The following LRRC75B variants were observed in gnomAD, a reference collection of about 807,000 sequenced individuals.
LRRC75B encodes the protein leucine-rich repeat-containing protein 75B.
In LRRC75B, 20 loss-of-function variants were observed where a neutral mutation model predicts 16.5. The observed-to-expected ratio is 1.21, with a 90% CI of 0.85 to 1.76. LRRC75B has a LOEUF of 1.76. LRRC75B is among the 40% of genes most tolerant of loss of function. The pLI is 0.00. For synonymous variants in LRRC75B, 199 were observed against 198.1 expected (o/e 1.00, Z -0.04); for missense variants, 406 against 417.0 (o/e 0.97, Z 0.23).
chr22:24,589,274 T>C lies in LRRC75B; in HGVS notation c.306+547A>G, dbSNP rs771932889. On this transcript the variant is annotated intron_variant, in intron 2 of 3. Coordinates refer to ENST00000318753, the MANE Select transcript of LRRC75B (RefSeq NM_207644.3). ...CATGGGGTTCTGGGCAGCTGTGGGGTGGAGGCTGCAGGTGGCAAACTCCAC... is the reference window on the plus strand; with the variant it reads ...CATGGGGTTCTGGGCAGCTGTGGGGCGGAGGCTGCAGGTGGCAAACTCCAC... 8.8e-6 allele frequency: 11 copies of C among 1,250,050 alleles called. No homozygotes were observed. In the South Asian group the frequency reaches 1.4e-4, roughly 15 times the overall value. The allele number at this position is 1,250,050 out of a possible 1,614,324, so 77.4% of individuals were successfully genotyped here.
rs1569036596 is a variant in LRRC75B, at chr22:24,588,681, CA to C, written c.307-353del. On this transcript the variant is annotated intron_variant, in intron 2 of 3. Transcript: ENST00000318753. ...CTCAGCACCCTTCGGGGACTTGCCACAGGGGGAGGAGGCCAGACCAGGCCCC... is the reference window on the plus strand; with the variant it reads ...CTCAGCACCCTTCGGGGACTTGCCACGGGGGAGGAGGCCAGACCAGGCCCC... 2.7e-6 allele frequency: 3 copies of C among 1,106,924 alleles called. No homozygotes were observed. In the African/African-American group the frequency reaches 4.8e-5, roughly 18 times the overall value. 68.6% of individuals were successfully genotyped at this position (1,106,924 alleles called of 1,614,324 possible).
In LRRC75B at chr22:24,589,801, C is replaced by T. The variant is rs1431527997; in HGVS notation, c.306+20G>A. 1 of 1,602,804 alleles carries T rather than the reference C, an allele frequency of 6.2e-7. No individual in the cohort carries two copies. Among genetic ancestry groups the T allele is most frequent in the Non-Finnish European group, 8.5e-7 (1 of 1,175,420 alleles). ...GTCCACCACAGTGCCCAGCCCAGGG[C>T]CCGTGCCTGCCAGCCTCACCTTCTT... On this transcript the variant is annotated intron_variant, in intron 2 of 3. Transcript: ENST00000318753.
chr22:24,591,463 C>T (rs1209444499), intron 1 of LRRC75B, among the ~76,000 whole-genome samples: 1 of 152,176 alleles, frequency 6.6e-6, no homozygotes, highest in African/African-American at 2.4e-5. Context: ...TGGGCCTTCT[C>T]CAATCCATAG....
intron 2 of LRRC75B, 156 bp downstream of exon 2, chr22:24,589,665 G>A (rs2045509824): frequency 1.2e-6 from 1 of 854,262 alleles, no homozygotes; most frequent in Non-Finnish European, 1.7e-6. Flanking sequence ...CTAATATACT[G>A]ATGCTGGCAG....
chr22:24,587,347 C>T (rs971509657), intron 3 of LRRC75B, among the ~76,000 whole-genome samples: 12 of 152,166 alleles, frequency 7.9e-5, no homozygotes, highest in Admixed American at 3.3e-4. Flanking sequence ...GACCCCCGCC[C>T]CCACCAACCC....
Position 24,585,668 on chromosome 22 carries a change from G to A in LRRC75B, c.*218C>T. On this transcript the variant is annotated 3_prime_UTR_variant, in exon 4 of 4. Coordinates refer to ENST00000318753, the MANE Select transcript of LRRC75B (RefSeq NM_207644.3). ...CACTCTTTATTGCGGGGTCCACACT[G>A]TGGGTGCTGGGGCCCCTCCCACTGA... 1.7e-6 allele frequency: 1 copy of A among 592,778 alleles called. No individual in the cohort carries two copies. The highest frequency in any genetic ancestry group is 3.0e-6 in the Non-Finnish European group (1 of 335,612). The allele number at this position is 592,778 out of a possible 1,614,324, so 36.7% of individuals were successfully genotyped here. A position where few individuals can be genotyped will look rare whatever the true frequency, so the allele number is the denominator to read the frequency against.
chr22:24,592,865 G>A lies in LRRC75B; in HGVS notation c.175C>T (p.Gln59Ter). The A allele has an allele frequency of 7.8e-7, 1 of 1,281,740 alleles. No homozygotes were observed. The highest frequency in any genetic ancestry group is 9.9e-7 in the Non-Finnish European group (1 of 1,014,136). The allele number at this position is 1,281,740 out of a possible 1,614,324, so 79.4% of individuals were successfully genotyped here. A position where few individuals can be genotyped will look rare whatever the true frequency, so the allele number is the denominator to read the frequency against. ...RARQLLRLLR[Q>*]DLGLERTLLP... is the part of the protein sequence containing the mutation. ...GGGCGGACGGCTCCTTCTCTCGCCT[G>A]GCGCAGGAGGCGCAGCAGCTGCCGG... The change falls in exon 1 of 4, where the codon CAG (glutamine) becomes TAG (stop). Residue 59 changes from glutamine (Q) to a stop codon, truncating the protein, a stop_gained and splice_region_variant. Coordinates refer to ENST00000318753, the MANE Select transcript of LRRC75B (RefSeq NM_207644.3). LOFTEE classifies it high-confidence loss of function.
Position 24,585,869 on chromosome 22 carries a change from G to A in LRRC75B, c.*17C>T, listed in dbSNP as rs1601582683. ...GAGCATCACAAGTCAGTAGCAATGA[G>A]CCAGGTGGGTGGTGGGTCACCTGGC... On this transcript the variant is annotated 3_prime_UTR_variant, in exon 4 of 4. Transcript: ENST00000318753. 5 of 1,558,626 alleles carry A rather than the reference G, an allele frequency of 3.2e-6. No homozygotes were observed. Among genetic ancestry groups the A allele is most frequent in the Non-Finnish European group, 3.5e-6 (4 of 1,154,190 alleles).
chr22:24,585,664 C>A lies in LRRC75B; in HGVS notation c.*222G>T, dbSNP rs1179732871. 3 of 590,142 alleles carry A rather than the reference C, an allele frequency of 5.1e-6. No individual in the cohort carries two copies. The highest frequency in any genetic ancestry group is 9.0e-6 in the Non-Finnish European group (3 of 333,840). 36.6% of individuals were successfully genotyped at this position (590,142 alleles called of 1,614,324 possible). On this transcript the variant is annotated 3_prime_UTR_variant, in exon 4 of 4. Transcript: ENST00000318753. ...GTGTCACTCTTTATTGCGGGGTCCA[C>A]ACTGTGGGTGCTGGGGCCCCTCCCA...
chr22:24,592,277 G>C (rs1283735397), intron 1 of LRRC75B: 1 of 466,720 alleles, frequency 2.1e-6, no homozygotes, highest in East Asian at 7.0e-5. Flanking sequence ...AGATGCTGGG[G>C]ATGTGTACTC....
chr22:24,586,634 CGAT>C (rs2045402932), intron 3 of LRRC75B, among the ~76,000 whole-genome samples: 1 of 152,240 alleles, frequency 6.6e-6, no homozygotes, highest in Non-Finnish European at 1.5e-5. Context: ...CGGATTCAAG[CGAT>C]TCTCCTGCTT....
intron 3 of LRRC75B, among the ~76,000 whole-genome samples, 187 bp from the exon 4 acceptor site, chr22:24,586,598 C>T (rs2045401649): frequency 6.6e-6 from 1 of 152,268 alleles, no homozygotes; most frequent in Admixed American, 6.5e-5. Context: ...GTGGCACAAT[C>T]TCGGCTTACG....
chr22:24,589,503 CAGGGTCCCCATA>C (rs1601592828), intron 2 of LRRC75B: 1 of 516,790 alleles, frequency 1.9e-6, no homozygotes, highest in Non-Finnish European at 2.8e-6. Flanking sequence ...CTGTGACCCG[CAGGGTCCCCATA>C]TGACTTCTGC....
chr22:24,592,646 A>C, intron 1 of LRRC75B: 1 of 737,882 alleles, frequency 1.4e-6, no homozygotes, highest in Non-Finnish European at 2.0e-6. Flanking sequence ...GACCTCACCC[A>C]GCCCTCACTC....
chr22:24,589,658 A>G (rs2045509267), intron 2 of LRRC75B, 163 bp downstream of exon 2: 2 of 826,132 alleles, frequency 2.4e-6, no homozygotes, highest in Non-Finnish European at 3.6e-6. Context: ...GGCCAGCCTA[A>G]TATACTGATG....
chr22:24,586,533 G>A, intron 3 of LRRC75B, 122 bp from the exon 4 acceptor site: 2 of 1,077,372 alleles, frequency 1.9e-6, no homozygotes, highest in East Asian at 2.4e-5. Flanking sequence ...TTCAAACTGT[G>A]TCTTTCGTAT....
chr22:24,592,301 C>G (rs1021561237), intron 1 of LRRC75B: 55 of 468,970 alleles, frequency 1.2e-4, no homozygotes, highest in Middle Eastern at 7.4e-4. Context: ...GGGCATGAGC[C>G]GCCTGTTGGA....
Position 24,592,859 on chromosome 22 carries a change from T to C in LRRC75B, c.177+4A>G. On this transcript the variant is annotated splice_donor_region_variant and intron_variant, in intron 1 of 3. Coordinates refer to ENST00000318753, the MANE Select transcript of LRRC75B (RefSeq NM_207644.3). ...GCCCAGGGGCGGACGGCTCCTTCTC[T>C]CGCCTGGCGCAGGAGGCGCAGCAGC... is the stretch of plus-strand genomic sequence containing the variant. 1 of 1,275,682 alleles carries C rather than the reference T, an allele frequency of 7.8e-7. No homozygotes were observed. The highest frequency in any genetic ancestry group is 9.9e-7 in the Non-Finnish European group (1 of 1,010,626). 79.0% of individuals were successfully genotyped at this position (1,275,682 alleles called of 1,614,324 possible).
intron 2 of LRRC75B, chr22:24,589,499 C>A (rs1477308803): frequency 1.9e-6 from 1 of 526,028 alleles, no homozygotes; most frequent in Non-Finnish European, 2.7e-6. Context: ...CAGTCTGTGA[C>A]CCGCAGGGTC....
Sources: gnomAD v4.1 joint callset for allele counts (sites outside exome capture counted in the v4.1 genomes callset) on GRCh38, gnomAD v4.1.1 for gene constraint, MANE v1.5 for transcripts, NCBI Gene and HGNC (gene_info 2026-07-23, HGNC 2026-07-21) for gene names.